The following PLD1 variants were observed in gnomAD, a reference collection of about 807,000 sequenced individuals.
PLD1 encodes phospholipase D1, also known as choline phosphatase 1.
Under a neutral mutation model 137.1 loss-of-function variants are expected in PLD1, and 112 were observed. That is an observed-to-expected ratio of 0.82 (90% CI 0.70 to 0.96). PLD1 has a LOEUF of 0.96. Ranked by LOEUF, PLD1 falls within the 40% of genes least tolerant of loss-of-function variation. The probability of loss-of-function intolerance (pLI) is 0.00; values close to 1 mark genes in which losing one functional copy is unlikely to be tolerated. For missense variants in PLD1, 1,321 were observed against 1,342.0 expected, an observed-to-expected ratio of 0.98 and a Z score of 0.24; for synonymous variants, 431 against 454.7, an observed-to-expected ratio of 0.95 and a Z score of 0.66.
In PLD1 at chr3:171,744,712, A is replaced by C. The variant is rs575476910; in HGVS notation, c.-31-6630T>G. Among the ~76,000 whole-genome samples, 4 of 152,378 alleles carry C rather than the reference A, an allele frequency of 2.6e-5. No homozygotes were observed. In the East Asian group the frequency reaches 5.8e-4, roughly 22 times the overall value. On this transcript the variant is annotated intron_variant, in intron 1 of 26. Coordinates refer to ENST00000351298, the MANE Select transcript of PLD1 (RefSeq NM_002662.5). ...CAAAAACACATCTATAATGACATAAAGCAAAATGGTTACATAGCTCTTAAA... is the reference window on the plus strand; with the variant it reads ...CAAAAACACATCTATAATGACATAACGCAAAATGGTTACATAGCTCTTAAA...
intron 1 of PLD1, among the ~76,000 whole-genome samples, chr3:171,770,477 C>T (rs781710427): frequency 6.6e-6 from 1 of 152,170 alleles, no homozygotes; most frequent in African/African-American, 2.4e-5. Context: ...ACAACCCCAA[C>T]TGGGGCCCAA....
At chr3:171,682,782 C>T (rs1714145058) in intron 16 of PLD1, among the ~76,000 whole-genome samples, 1 of 152,286 alleles carries the variant, frequency 6.6e-6, no homozygotes, top group South Asian at 2.1e-4. Context: ...GGTTCACCTA[C>T]TTCAATGTTC....
At chr3:171,604,881 G>A (rs1024993005) in intron 26 of PLD1, among the ~76,000 whole-genome samples, 1 of 152,208 alleles carries the variant, frequency 6.6e-6, no homozygotes, top group Non-Finnish European at 1.5e-5. Context: ...TTATAGGAGA[G>A]GAAAAAGAAA....
chr3:171,801,460 GCT>G, intron 1 of PLD1, among the ~76,000 whole-genome samples: 1 of 152,146 alleles, frequency 6.6e-6, no homozygotes, highest in South Asian at 2.1e-4. Context: ...ACGGAGTCTC[GCT>G]CTGTCACCCA....
At chr3:171,726,814 T>C (rs1174053422) in intron 6 of PLD1, among the ~76,000 whole-genome samples, 1 of 152,202 alleles carries the variant, frequency 6.6e-6, no homozygotes, top group Non-Finnish European at 1.5e-5. Context: ...TCATGCATTA[T>C]CTCAAACCCC....
At position 171,810,468 on chromosome 3, in the gene PLD1, A is replaced by G. The variant is rs964457263; in HGVS notation, c.-101T>C. ...CTCTCAGGGCTCGGGTGCCTCTGGC[A>G]CAGCTGGAGCTCAGCGGGAGGGAGG... On this transcript the variant is annotated 5_prime_UTR_variant, in exon 1 of 27. Coordinates refer to ENST00000351298, the MANE Select transcript of PLD1 (RefSeq NM_002662.5). 1 of 151,780 alleles carries G rather than the reference A, an allele frequency of 6.6e-6. No individual in the cohort carries two copies. The highest frequency in any genetic ancestry group is 1.5e-5 in the Non-Finnish European group (1 of 68,026). 9.4% of individuals were successfully genotyped at this position (151,780 alleles called of 1,614,324 possible). A position where few individuals can be genotyped will look rare whatever the true frequency, so the allele number is the denominator to read the frequency against.
intron 1 of PLD1, among the ~76,000 whole-genome samples, chr3:171,745,269 G>C (rs1560271489): frequency 6.6e-6 from 1 of 152,206 alleles, no homozygotes; most frequent in Non-Finnish European, 1.5e-5. Context: ...CTGAGTGCCT[G>C]TACTGAAAGG....
At chr3:171,605,913 T>A (rs1732166038) in intron 25 of PLD1, among the ~76,000 whole-genome samples, 1 of 152,212 alleles carries the variant, frequency 6.6e-6, no homozygotes, top group Non-Finnish European at 1.5e-5. Flanking sequence ...AATAGGAAAA[T>A]TGGCCTTGTA....
At chr3:171,804,149 T>C (rs1170216445) in intron 1 of PLD1, among the ~76,000 whole-genome samples, 1 of 152,178 alleles carries the variant, frequency 6.6e-6, no homozygotes, top group East Asian at 1.9e-4. Flanking sequence ...ACCACTGCCC[T>C]ACACATCTGG....
chr3:171,626,463 C>T (rs1734118057), intron 23 of PLD1, among the ~76,000 whole-genome samples: 1 of 152,056 alleles, frequency 6.6e-6, no homozygotes, highest in African/African-American at 2.4e-5. Flanking sequence ...CCCAATCTAG[C>T]AAGGCAGGCC....
At chr3:171,635,353 A>C (rs549971678) in intron 23 of PLD1, among the ~76,000 whole-genome samples, 4 of 152,192 alleles carry the variant, frequency 2.6e-5, no homozygotes, top group African/African-American at 4.8e-5. Context: ...CTGGCTTTCC[A>C]AAGAAGCAGT....
intron 23 of PLD1, among the ~76,000 whole-genome samples, chr3:171,640,045 T>C (rs1428545300): frequency 1.3e-5 from 2 of 151,724 alleles, no homozygotes; most frequent in East Asian, 1.9e-4. Flanking sequence ...GTACTTTGAA[T>C]CTTCTCTATT....
At chr3:171,608,789 C>A (rs529127152) in intron 25 of PLD1, among the ~76,000 whole-genome samples, 2 of 152,022 alleles carry the variant, frequency 1.3e-5, no homozygotes, top group East Asian at 3.9e-4. Context: ...AAAAGTAAAA[C>A]CAAACAAGCA....
At chr3:171,668,588 TCTTTCTTCCTTC>T (rs1712405107) in intron 19 of PLD1, among the ~76,000 whole-genome samples, 1 of 151,712 alleles carries the variant, frequency 6.6e-6, no homozygotes, top group African/African-American at 2.4e-5. Context: ...CCTTTCTCAT[TCTTTCTTCCTTC>T]CTTTCTTTGT....
chr3:171,636,074 C>T (rs749053140), intron 23 of PLD1, among the ~76,000 whole-genome samples: 12 of 144,958 alleles, frequency 8.3e-5, no homozygotes, highest in African/African-American at 1.3e-4. Context: ...TTTGGCACCA[C>T]CTTGCTGAAA....
chr3:171,782,000 A>G (rs1411970624), intron 1 of PLD1, among the ~76,000 whole-genome samples: 1 of 152,274 alleles, frequency 6.6e-6, no homozygotes, highest in East Asian at 1.9e-4. Context: ...AACCTGTTGT[A>G]TCATCAAACA....
chr3:171,805,985 G>A lies in PLD1; in HGVS notation c.-32+4414C>T, dbSNP rs543865579. Among the ~76,000 whole-genome samples, 3 of 152,262 alleles carry A rather than the reference G, an allele frequency of 2.0e-5. No homozygotes were observed. The East Asian group carries it at 5.8e-4, about 29-fold the overall frequency. ...GAACCCAGAAGTCTGAAACTAGCCT[G>A]GGTGACATAGCAAGACCTCATCTCT... On this transcript the variant is annotated intron_variant, in intron 1 of 26. Coordinates refer to ENST00000351298, the MANE Select transcript of PLD1 (RefSeq NM_002662.5).
chr3:171,733,351 C>A, intron 6 of PLD1, 93 bp downstream of exon 6: 3 of 629,134 alleles, frequency 4.8e-6, no homozygotes, highest in African/African-American at 1.9e-5. Flanking sequence ...GGTGTGGATA[C>A]AATCACTTGT....
chr3:171,708,297 G>C (rs368437168), intron 11 of PLD1, among the ~76,000 whole-genome samples: 1 of 152,144 alleles, frequency 6.6e-6, no homozygotes, highest in African/African-American at 2.4e-5. Flanking sequence ...TGTATCTCTA[G>C]AACAGCTGAC....
Sources: allele counts gnomAD v4.1 joint callset (sites outside exome capture counted in the v4.1 genomes callset), GRCh38; gene constraint gnomAD v4.1.1; transcripts MANE v1.5; gene names NCBI Gene and HGNC (gene_info 2026-07-23, HGNC 2026-07-21).